NEGR1: variants seen among roughly 807,000 people sequenced by gnomAD.
NEGR1 encodes neuronal growth regulator 1.
NEGR1 carries 10 observed loss-of-function variants against 40.9 expected under a neutral mutation model. That is an observed-to-expected ratio of 0.24 (90% CI 0.15 to 0.42). The LOEUF is 0.42. Among genes scored for constraint, NEGR1 ranks in the 10% least tolerant of loss-of-function variants. The pLI is 1.00. For missense variants in NEGR1, 352 were observed against 438.9 expected (o/e 0.80, Z 1.77); for synonymous variants, 185 against 166.8 (o/e 1.11, Z -0.84).
chr1:72,028,877 C>A lies in NEGR1; in HGVS notation c.177-93566G>T, dbSNP rs1008715630. 2.0e-5 allele frequency among the ~76,000 whole-genome samples: 3 copies of A among 152,142 alleles called. No homozygotes were observed. The East Asian group carries it at 5.8e-4, about 29-fold the overall frequency. On this transcript the variant is annotated intron_variant, in intron 1 of 6. Transcript: ENST00000357731. ...ACCAAGAGCTCTTCGAAGGTAAGAA[C>A]CATGTCTTATATCCCTAACTCAGGG...
At chr1:71,514,408 C>T (rs1042528317) in intron 6 of NEGR1, among the ~76,000 whole-genome samples, 3 of 98,880 alleles carry the variant, frequency 3.0e-5, no homozygotes, top group Admixed American at 1.1e-4. Flanking sequence ...TCAAGTGGGT[C>T]CCTGACCCCT....
chr1:71,493,442 C>T (rs530514970), intron 6 of NEGR1, among the ~76,000 whole-genome samples: 1 of 152,250 alleles, frequency 6.6e-6, no homozygotes, highest in African/African-American at 2.4e-5. Flanking sequence ...GGTAAGTCTA[C>T]ATCTTTCTTG....
chr1:71,669,865 T>C (rs1652361414), intron 4 of NEGR1, among the ~76,000 whole-genome samples: 2 of 152,298 alleles, frequency 1.3e-5, no homozygotes, highest in Middle Eastern at 3.4e-3. Context: ...TTGGCCAGGA[T>C]GGTCTCGATC....
At chr1:71,697,850 T>C in intron 4 of NEGR1, 158 bp downstream of exon 4, 1 of 645,122 alleles carries the variant, frequency 1.6e-6, no homozygotes, top group South Asian at 2.0e-5. Context: ...ATTAACCAAT[T>C]TAACCAACAT....
At chr1:71,624,754 G>C (rs567877066) in intron 4 of NEGR1, among the ~76,000 whole-genome samples, 2 of 151,920 alleles carry the variant, frequency 1.3e-5, no homozygotes, top group East Asian at 3.9e-4. Flanking sequence ...CCATATTAAG[G>C]AGGTGCTCCC....
chr1:72,249,695 A>G (rs1037927428), intron 1 of NEGR1, among the ~76,000 whole-genome samples: 4 of 152,210 alleles, frequency 2.6e-5, no homozygotes, highest in African/African-American at 4.8e-5. Flanking sequence ...AAAACTTGAC[A>G]TTTGTTATGA....
At chr1:72,208,585 G>A (rs1387544899) in intron 1 of NEGR1, among the ~76,000 whole-genome samples, 2 of 151,006 alleles carry the variant, frequency 1.3e-5, no homozygotes, top group Non-Finnish European at 3.0e-5. Context: ...AGACATGATC[G>A]GTATATTACA....
At chr1:72,090,324 A>C (rs891425052) in intron 1 of NEGR1, among the ~76,000 whole-genome samples, 5 of 151,434 alleles carry the variant, frequency 3.3e-5, no homozygotes, top group Admixed American at 2.0e-4. Context: ...AAAATATCTA[A>C]AATTTTCCAA....
intron 3 of NEGR1, among the ~76,000 whole-genome samples, chr1:71,715,718 A>G (rs1369252298): frequency 1.3e-5 from 2 of 152,196 alleles, no homozygotes; most frequent in Admixed American, 6.5e-5. Context: ...CTTTATTACA[A>G]TTCCCAACAG....
intron 1 of NEGR1, among the ~76,000 whole-genome samples, chr1:72,038,478 GAT>G (rs1646923869): frequency 6.6e-6 from 1 of 151,956 alleles, no homozygotes; most frequent in Non-Finnish European, 1.5e-5. Flanking sequence ...ACTTAGCTGA[GAT>G]ACTTACTGTG....
At chr1:71,407,695 T>G in intron 6 of NEGR1, 125 bp from the exon 7 acceptor site, 1 of 816,840 alleles carries the variant, frequency 1.2e-6, no homozygotes. Context: ...AGACTGAAGT[T>G]CATATCTGAT....
intron 2 of NEGR1, among the ~76,000 whole-genome samples, chr1:71,871,880 T>G (rs1207331372): frequency 6.6e-6 from 1 of 152,204 alleles, no homozygotes; most frequent in African/African-American, 2.4e-5. Flanking sequence ...CAATTTCTAT[T>G]TGAGATTAAC....
chr1:71,613,999 A>G (rs1650358791), intron 4 of NEGR1, among the ~76,000 whole-genome samples: 1 of 151,996 alleles, frequency 6.6e-6, no homozygotes, highest in Admixed American at 6.6e-5. Context: ...CCTTTCAACT[A>G]AAAAAATACC....
intron 1 of NEGR1, among the ~76,000 whole-genome samples, chr1:72,043,929 C>T (rs763623934): frequency 2.6e-5 from 4 of 151,650 alleles, no homozygotes; most frequent in Non-Finnish European, 4.4e-5. Flanking sequence ...AGAATAAATG[C>T]TTTTTATTTC....
rs138606524 is a variant in NEGR1, at chr1:71,766,821, T to C, written c.535+9351A>G. On this transcript the variant is annotated intron_variant, in intron 3 of 6. Transcript: ENST00000357731. The stretch of plus-strand genomic sequence containing the variant: ...GAGCACTATCCCTTTAGTGCTGTTC[T>C]TGTGAGAGAGTTCTCATGACATCTT... Among the ~76,000 whole-genome samples the C allele has an allele frequency of 3.9e-5, 6 of 152,310 alleles. No individual in the cohort carries two copies. The East Asian group carries it at 1.2e-3, about 29-fold the overall frequency.
chr1:71,763,705 T>C (rs986296972), intron 3 of NEGR1, among the ~76,000 whole-genome samples: 1 of 151,840 alleles, frequency 6.6e-6, no homozygotes, highest in African/African-American at 2.4e-5. Context: ...TGTAGCCATA[T>C]TAAAGCTATA....
chr1:72,253,733 C>T (rs917389159), intron 1 of NEGR1, among the ~76,000 whole-genome samples: 6 of 151,998 alleles, frequency 3.9e-5, no homozygotes, highest in African/African-American at 1.4e-4. Context: ...ATGATGGATG[C>T]ATTTAATTGA....
chr1:72,052,568 A>G (rs188162435), intron 1 of NEGR1, among the ~76,000 whole-genome samples: 1 of 151,614 alleles, frequency 6.6e-6, no homozygotes, highest in East Asian at 1.9e-4. Flanking sequence ...CAGGTGATGT[A>G]TACATAACCA....
At chr1:72,234,759 T>G (rs1654494019) in intron 1 of NEGR1, among the ~76,000 whole-genome samples, 1 of 152,062 alleles carries the variant, frequency 6.6e-6, no homozygotes, top group South Asian at 2.1e-4. Context: ...CCCATCAGAA[T>G]GGTTATTACT....
Sources: gnomAD v4.1 joint callset for allele counts (sites outside exome capture counted in the v4.1 genomes callset) on GRCh38, gnomAD v4.1.1 for gene constraint, MANE v1.5 for transcripts, NCBI Gene and HGNC (gene_info 2026-07-23, HGNC 2026-07-21) for gene names.